Variants in RCL1 observed in about 807,000 individuals in gnomAD.
The protein encoded by RCL1 is RNA 3'-terminal phosphate cyclase-like protein.
In RCL1, 24 loss-of-function variants were observed where a neutral mutation model predicts 42.4. The ratio of observed to expected loss-of-function variants is 0.57; its 90% CI spans 0.41 to 0.80. The LOEUF (loss-of-function observed/expected upper bound fraction) is 0.80. RCL1 is among the 30% of genes least tolerant of loss of function. The probability of loss-of-function intolerance (pLI) is 0.00; values close to 1 mark genes in which losing one functional copy is unlikely to be tolerated. For missense variants in RCL1, 578 were observed against 467.9 expected (o/e 1.24, Z -2.17); for synonymous variants, 228 against 177.3 (o/e 1.29, Z -2.27).
chr9:4,858,297 A>G (rs754092817), intron 8 of RCL1, among the ~76,000 whole-genome samples: 2 of 151,996 alleles, frequency 1.3e-5, no homozygotes, highest in African/African-American at 4.8e-5. Context: ...CCAATCCTGT[A>G]GGTTGTTTTT....
intron 8 of RCL1, among the ~76,000 whole-genome samples, chr9:4,859,109 C>G (rs993233561): frequency 6.6e-6 from 1 of 152,160 alleles, no homozygotes; most frequent in African/African-American, 2.4e-5. Flanking sequence ...GTCAGGCTAG[C>G]TGGGGTGACG....
At chr9:4,838,341 T>A (rs1480783141) in intron 5 of RCL1, among the ~76,000 whole-genome samples, 1 of 152,202 alleles carries the variant, frequency 6.6e-6, no homozygotes, top group Non-Finnish European at 1.5e-5. Flanking sequence ...TACACAGTAG[T>A]TACCTTTTAC....
chr9:4,833,329 G>A, intron 4 of RCL1, 101 bp downstream of exon 4: 1 of 853,026 alleles, frequency 1.2e-6, no homozygotes, highest in Non-Finnish European at 2.0e-6. Context: ...TGTCACATTT[G>A]AAGTCACCAG....
chr9:4,849,799 C>T (rs951515331), intron 8 of RCL1, among the ~76,000 whole-genome samples: 4 of 152,100 alleles, frequency 2.6e-5, no homozygotes, highest in African/African-American at 9.7e-5. Context: ...TTATTTTGTT[C>T]GTGCTTTAGA....
intron 1 of RCL1, among the ~76,000 whole-genome samples, chr9:4,814,094 A>G (rs1816284241): frequency 6.6e-6 from 1 of 152,074 alleles, no homozygotes; most frequent in South Asian, 2.1e-4. Flanking sequence ...GCACACTTAT[A>G]CATATATAAC....
chr9:4,815,218 TCTC>T (rs1816327999), intron 1 of RCL1, among the ~76,000 whole-genome samples: 1 of 148,586 alleles, frequency 6.7e-6, no homozygotes, highest in African/African-American at 2.6e-5. Context: ...CTTCCTTTTT[TCTC>T]CTCCTGGAAC....
rs757147258 is a variant in RCL1, at chr9:4,844,597, C to T, written c.783C>T (p.Ser261=). The change falls in exon 7 of 9, where the codon TCC becomes TCT. Residue 261 remains serine (S), a synonymous_variant. Transcript: ENST00000381750. ...SGTFLSAELA[S]NPQGQGAAVL... ...CCTTCCTCAGTGCTGAACTGGCCTC[C>T]AACCCCCAGGGCCAGGGAGCAGCAG... 4 of 1,614,084 alleles carry T rather than the reference C, an allele frequency of 2.5e-6. No homozygotes were observed. In the South Asian group the frequency reaches 4.4e-5, roughly 18 times the overall value.
intron 1 of RCL1, among the ~76,000 whole-genome samples, chr9:4,798,682 G>A (rs1842950754): frequency 6.6e-6 from 1 of 152,164 alleles, no homozygotes; most frequent in Non-Finnish European, 1.5e-5. Flanking sequence ...AAAGGAGGAT[G>A]TGCCTATATT....
chr9:4,814,185 A>G lies in RCL1; in HGVS notation c.137-9363A>G, dbSNP rs1404738871. Among the ~76,000 whole-genome samples, 6 of 128,372 alleles carry G rather than the reference A, an allele frequency of 4.7e-5. No individual in the cohort carries two copies. The East Asian group carries it at 1.4e-3, about 29-fold the overall frequency. The allele number at this position is 128,372 out of a possible 152,430, so 84.2% of individuals were successfully genotyped here. A position where few individuals can be genotyped will look rare whatever the true frequency, so the allele number is the denominator to read the frequency against. ...TAAAATAAAATTTCCCCCATTCAGT[A>G]TGTTAGCTGTGAGTTTGTCATATAC... On this transcript the variant is annotated intron_variant, in intron 1 of 8. Transcript: ENST00000381750.
At chr9:4,837,955 G>GT (rs1817194359) in intron 5 of RCL1, among the ~76,000 whole-genome samples, 1 of 152,204 alleles carries the variant, frequency 6.6e-6, no homozygotes, top group African/African-American at 2.4e-5. Flanking sequence ...ATCCCTGTCT[G>GT]TTAACCAAAC....
At chr9:4,846,746 T>C (rs1488985896) in intron 7 of RCL1, among the ~76,000 whole-genome samples, 1 of 152,144 alleles carries the variant, frequency 6.6e-6, no homozygotes, top group African/African-American at 2.4e-5. Flanking sequence ...CATCACATTA[T>C]ACAGTAGTCC....
intron 1 of RCL1, among the ~76,000 whole-genome samples, chr9:4,800,812 C>G (rs998482933): frequency 1.3e-5 from 2 of 151,952 alleles, no homozygotes; most frequent in African/African-American, 4.8e-5. Context: ...ACCACCACAC[C>G]TGGCTAATTT....
intron 1 of RCL1, among the ~76,000 whole-genome samples, chr9:4,806,460 C>G (rs961195767): frequency 1.3e-5 from 2 of 151,970 alleles, no homozygotes; most frequent in Non-Finnish European, 2.9e-5. Flanking sequence ...TTGTCCAATG[C>G]TTTTTCTGCA....
intron 5 of RCL1, among the ~76,000 whole-genome samples, chr9:4,837,115 T>C (rs1817165897): frequency 6.6e-6 from 1 of 152,122 alleles, no homozygotes. Flanking sequence ...TGGAATAAGG[T>C]TAATTAGGTT....
chr9:4,802,334 TC>T (rs1045103683), intron 1 of RCL1, among the ~76,000 whole-genome samples: 2 of 152,142 alleles, frequency 1.3e-5, no homozygotes, highest in African/African-American at 4.8e-5. Flanking sequence ...TTATTCTAGT[TC>T]CTTTGCCTTT....
intron 1 of RCL1, 22 bp downstream of exon 1, chr9:4,793,249 G>C: frequency 1.9e-6 from 3 of 1,572,420 alleles, no homozygotes; most frequent in Non-Finnish European, 2.6e-6. Context: ...TGGGCGGCGC[G>C]CGGCGTGGGC....
intron 8 of RCL1, among the ~76,000 whole-genome samples, chr9:4,850,082 CA>C (rs1260205926): frequency 6.6e-6 from 1 of 152,140 alleles, no homozygotes; most frequent in Non-Finnish European, 1.5e-5. Flanking sequence ...AAGCACTCTT[CA>C]AAAAGAACAG....
intron 1 of RCL1, among the ~76,000 whole-genome samples, chr9:4,818,074 C>T (rs1484666309): frequency 2.6e-5 from 4 of 151,898 alleles, no homozygotes; most frequent in Non-Finnish European, 5.9e-5. Context: ...TTGCCTACCA[C>T]CTTGCCCAGC....
At position 4,795,994 on chromosome 9, in the gene RCL1, G is replaced by A. The variant is rs193018550; in HGVS notation, c.136+2767G>A. Reference sequence around the variant, plus strand: ...GAGCAGACACTTCCCTGAAAGTTACGAAGGAAGGCAGGTTTTCTGGACCTG... The same window carrying A: ...GAGCAGACACTTCCCTGAAAGTTACAAAGGAAGGCAGGTTTTCTGGACCTG... On this transcript the variant is annotated intron_variant, in intron 1 of 8. Transcript: ENST00000381750. 7.2e-5 allele frequency among the ~76,000 whole-genome samples: 11 copies of A among 152,274 alleles called. No individual in the cohort carries two copies. In the South Asian group the frequency reaches 8.3e-4, roughly 11 times the overall value.
Sources: gnomAD v4.1 joint callset for allele counts (sites outside exome capture counted in the v4.1 genomes callset) on GRCh38, gnomAD v4.1.1 for gene constraint, MANE v1.5 for transcripts, NCBI Gene and HGNC (gene_info 2026-07-23, HGNC 2026-07-21) for gene names.